Variants in TEKT4 observed in about 807,000 individuals in gnomAD.
TEKT4 encodes tektin-4.
In TEKT4, 46 loss-of-function variants were observed where a neutral mutation model predicts 46.0. The ratio of observed to expected loss-of-function variants is 1.00; its 90% CI spans 0.79 to 1.28. The LOEUF (loss-of-function observed/expected upper bound fraction) is 1.28. Among genes scored for constraint, TEKT4 ranks in the 50% most tolerant of loss-of-function variants. The pLI is 0.00. For synonymous variants in TEKT4, 325 were observed against 265.8 expected, an observed-to-expected ratio of 1.22 and a Z score of -2.17; for missense variants, 790 against 622.9, an observed-to-expected ratio of 1.27 and a Z score of -2.85.
At chr2:94,874,588 T>C (rs1291890500) in intron 3 of TEKT4, among the ~76,000 whole-genome samples, 188 bp from the exon 4 acceptor site, 2 of 148,246 alleles carry the variant, frequency 1.3e-5, no homozygotes, top group Admixed American at 1.3e-4. Context: ...TCAGAGAAGT[T>C]GTGGCCAGGG....
At chr2:94,872,768 C>A (rs375828070) in intron 1 of TEKT4, 7 of 1,167,124 alleles carry the variant, frequency 6.0e-6, no homozygotes, top group African/African-American at 1.6e-5. Flanking sequence ...ACCCTTGAGT[C>A]CCTCCCTCCC....
chr2:94,874,158 C>G (rs781792380), intron 3 of TEKT4, 50 bp downstream of exon 3: 5 of 1,591,134 alleles, frequency 3.1e-6, no homozygotes, highest in Non-Finnish European at 3.4e-6. Context: ...GTCTCGCCTC[C>G]CTCTGCCTGG....
At chr2:94,875,509 G>A in intron 4 of TEKT4, 79 bp from the exon 5 acceptor site, 1 of 1,586,738 alleles carries the variant, frequency 6.3e-7, no homozygotes, top group Non-Finnish European at 8.6e-7. Context: ...CCAAGACCTG[G>A]GTAGGACCAG....
intron 5 of TEKT4, 31 bp from the exon 6 acceptor site, chr2:94,876,522 G>T: frequency 6.4e-7 from 1 of 1,573,522 alleles, no homozygotes. Flanking sequence ...GCCCTCCCTA[G>T]CCCCGGCTCA....
Position 94,871,999 on chromosome 2 carries a change from CACT to C in TEKT4, c.421_423del (p.Thr141del). 6.3e-7 allele frequency: 1 copy of C among 1,598,210 alleles called. No individual in the cohort carries two copies. Among genetic ancestry groups the C allele is most frequent in the South Asian group, 1.1e-5 (1 of 88,808 alleles). On this transcript the variant is annotated inframe_deletion, in exon 1 of 6. Transcript: ENST00000295201. The stretch of plus-strand genomic sequence containing the variant: ...CCACAGAGGTGCCCTTCTCCATCAC[CACT>C]GACAACCTGCAGTGCCGTGAGCGCC...
rs782566180 is a variant in TEKT4, at chr2:94,876,662, G to A, written c.1201G>A (p.Glu401Lys). 2.5e-6 allele frequency: 4 copies of A among 1,613,486 alleles called. No homozygotes were observed. The highest frequency in any genetic ancestry group is 1.6e-4 in the Middle Eastern group (1 of 6,062). ...RNLEDIHMSL[E>K]KDIAAMTNSL... ...CCTCGAGGACATCCACATGAGCCTG[G>A]AGAAGGACATTGCCGCCATGACCAA... The change falls in exon 6 of 6, where the codon GAG becomes AAG. Residue 401 changes from glutamate to lysine, a missense_variant. Transcript: ENST00000295201.
At chr2:94,874,353 G>C (rs540403170) in intron 3 of TEKT4, among the ~76,000 whole-genome samples, 1 of 152,186 alleles carries the variant, frequency 6.6e-6, no homozygotes, top group East Asian at 1.9e-4. Context: ...GCGCTGGCAG[G>C]ATTGCGTTTC....
At chr2:94,876,268 G>C (rs79105124) in intron 5 of TEKT4, among the ~76,000 whole-genome samples, 2 of 152,136 alleles carry the variant, frequency 1.3e-5, no homozygotes, top group Admixed American at 6.5e-5. Flanking sequence ...CTTCCATCAA[G>C]TATCAGGAAT....
At chr2:94,872,159 C>T (rs552477197) in intron 1 of TEKT4, 82 bp downstream of exon 1, 8 of 1,453,726 alleles carry the variant, frequency 5.5e-6, no homozygotes, top group African/African-American at 1.4e-5. Flanking sequence ...GGACAAGCCA[C>T]GTGGCTGCTG....
chr2:94,874,677 C>T (rs1553395751), intron 3 of TEKT4, 99 bp from the exon 4 acceptor site: 5 of 1,127,932 alleles, frequency 4.4e-6, no homozygotes, highest in African/African-American at 1.6e-5. Context: ...GCACGTCCTC[C>T]AGGAGCATGG....
intron 5 of TEKT4, 127 bp from the exon 6 acceptor site, chr2:94,876,426 G>C: frequency 1.3e-6 from 1 of 745,030 alleles, no homozygotes; most frequent in Non-Finnish European, 2.2e-6. Flanking sequence ...TCCTGATGGG[G>C]TTCTTTCATG....
chr2:94,875,028 C>G (rs1680777627), intron 4 of TEKT4, 30 bp downstream of exon 4: 1 of 1,553,940 alleles, frequency 6.4e-7, no homozygotes, highest in Admixed American at 1.9e-5. Context: ...GAAGACGGCC[C>G]CCTCTCATCA....
intron 5 of TEKT4, 54 bp downstream of exon 5, chr2:94,875,796 G>T (rs1463701597): frequency 7.7e-6 from 12 of 1,568,400 alleles, no homozygotes; most frequent in African/African-American, 2.7e-5. Context: ...CCTCCTCCCT[G>T]TGACTCTCTC....
intron 1 of TEKT4, chr2:94,872,965 C>T (rs1473379253): frequency 7.8e-7 from 1 of 1,289,288 alleles, no homozygotes; most frequent in Non-Finnish European, 1.0e-6. Flanking sequence ...AGGACCCGGG[C>T]CCTGGCACAC....
At chr2:94,873,099 G>A in intron 1 of TEKT4, 3 of 1,244,188 alleles carry the variant, frequency 2.4e-6, no homozygotes, top group South Asian at 1.4e-5. Flanking sequence ...TGTTCTTGGT[G>A]TGAAGATGGC....
Position 94,875,698 on chromosome 2 carries a change from G to T in TEKT4, c.1047G>T (p.Ser349=), listed in dbSNP as rs113006794. Residue 349 remains serine, a synonymous_variant, in exon 5 of 6, where the codon TCG becomes TCT. Transcript: ENST00000295201. ...CCCAGACCCGGCTGTACCTGCGCTCGCACCGGCCCAACATGGAGCTGTGCC... is the reference window on the plus strand; with the variant it reads ...CCCAGACCCGGCTGTACCTGCGCTCTCACCGGCCCAACATGGAGCTGTGCC... The part of the protein sequence containing the change: ...HVAQTRLYLR[S]HRPNMELCRD... 6.8e-6 allele frequency: 11 copies of T among 1,614,006 alleles called. No homozygotes were observed. Among genetic ancestry groups the T allele is most frequent in the Non-Finnish European group, 8.5e-6 (10 of 1,180,000 alleles).
At chr2:94,875,276 C>T (rs1478462164) in intron 4 of TEKT4, among the ~76,000 whole-genome samples, 1 of 152,174 alleles carries the variant, frequency 6.6e-6, no homozygotes, top group Admixed American at 6.5e-5. Context: ...GCAGGCAGGG[C>T]TCTGAATCTA....
In TEKT4 at chr2:94,874,806, C is replaced by T. The variant is rs782310334; in HGVS notation, c.744C>T (p.Phe248=). 21 of 1,597,192 alleles carry T rather than the reference C, an allele frequency of 1.3e-5. No homozygotes were observed. The highest frequency in any genetic ancestry group is 1.8e-5 in the Non-Finnish European group (21 of 1,173,586). ...CCACCCCGGAGACCCGGGCCAAGTT[C>T]ACGCAGGACAATCTGTGCCGTGCCC... The part of the protein sequence containing the change: ...SASTPETRAK[F]TQDNLCRAQR... Residue 248 remains phenylalanine (F), a synonymous_variant, in exon 4 of 6, where the codon TTC becomes TTT. Coordinates refer to ENST00000295201, the MANE Select transcript of TEKT4 (RefSeq NM_144705.4).
In TEKT4 at chr2:94,872,528, C is replaced by G. The variant is rs572429935; in HGVS notation, c.498+451C>G. On this transcript the variant is annotated intron_variant, in intron 1 of 5. Transcript: ENST00000295201. ...ACACAAAGATCTGCACCCACAGGTCCCCTCTCCTCCATGTCCCCTATAACT... is the reference window on the plus strand; with the variant it reads ...ACACAAAGATCTGCACCCACAGGTCGCCTCTCCTCCATGTCCCCTATAACT... 69 of 309,874 alleles carry G rather than the reference C, an allele frequency of 2.2e-4. No homozygotes were observed. The Middle Eastern group carries it at 3.6e-3, about 16-fold the overall frequency. The allele number at this position is 309,874 out of a possible 1,614,324, so 19.2% of individuals were successfully genotyped here.
Sources: gnomAD v4.1 joint callset for allele counts (sites outside exome capture counted in the v4.1 genomes callset) on GRCh38, gnomAD v4.1.1 for gene constraint, MANE v1.5 for transcripts, NCBI Gene and HGNC (gene_info 2026-07-23, HGNC 2026-07-21) for gene names.